Variants in TUB observed in about 807,000 individuals in gnomAD.
TUB encodes the protein tubby protein homolog.
TUB carries 33 observed loss-of-function variants against 59.7 expected under a neutral mutation model. That is an observed-to-expected ratio of 0.55 (90% CI 0.42 to 0.74). The LOEUF (loss-of-function observed/expected upper bound fraction) is 0.74, where lower values mean the gene tolerates loss of function less well. TUB is among the 30% of genes least tolerant of loss of function. TUB has a pLI of 0.00. For synonymous variants in TUB, 293 were observed against 256.4 expected, an observed-to-expected ratio of 1.14 and a Z score of -1.36; for missense variants, 659 against 672.0, an observed-to-expected ratio of 0.98 and a Z score of 0.21.
In TUB at chr11:8,021,930, AAAG is replaced by A. The variant is rs1443064415; in HGVS notation, c.56+2575_56+2577del. On this transcript the variant is annotated intron_variant, in intron 1 of 11. Coordinates refer to the TUB transcript ENST00000534099. ...GACTCCAGCTCAAAAAAAAAAAAAAAAAGAAAATTATTTTTCTGCTTTCAGACC... is the reference window on the plus strand; with the variant it reads ...GACTCCAGCTCAAAAAAAAAAAAAAAAAAATTATTTTTCTGCTTTCAGACC... 2.6e-5 allele frequency among the ~76,000 whole-genome samples: 4 copies of A among 152,142 alleles called. No homozygotes were observed. The East Asian group carries it at 7.7e-4, about 29-fold the overall frequency.
intron 2 of TUB, among the ~76,000 whole-genome samples, chr11:8,058,568 T>G (rs1033562289): frequency 1.3e-5 from 2 of 152,258 alleles, no homozygotes; most frequent in Admixed American, 6.5e-5. Flanking sequence ...AAGGGTGTCA[T>G]GTTTATAGTT....
Position 8,094,153 on chromosome 11 carries a change from G to C in TUB, c.361G>C (p.Gly121Arg), listed in dbSNP as rs768447598. Residue 121 changes from glycine (G) to arginine (R), a missense_variant, in exon 4 of 12, where the codon GGC becomes CGC. By Grantham distance (125) the Gly-to-Arg change is moderately radical. Coordinates refer to ENST00000299506, the MANE Select transcript of TUB (RefSeq NM_177972.3). Reference protein sequence around the residue: ...KAAATAGGQGGAARKEKKGKH... With the variant: ...KAAATAGGQGRAARKEKKGKH... ...GGCAGCTACAGCAGGGGGCCAGGGT[G>C]GCGCCGCTAGGAAGGAGAAGAAGGG... The C allele has an allele frequency of 6.2e-7, 1 of 1,613,880 alleles. No homozygotes were observed. Among genetic ancestry groups the C allele is most frequent in the Admixed American group, 1.7e-5 (1 of 59,994 alleles).
chr11:8,070,528 C>T (rs1943342615), intron 2 of TUB, among the ~76,000 whole-genome samples: 2 of 152,188 alleles, frequency 1.3e-5, no homozygotes, highest in African/African-American at 4.8e-5. Flanking sequence ...GATTCCCTTA[C>T]ATTTTCTCAG....
chr11:8,044,206 A>AT lies in TUB; in HGVS notation c.203+4515dup, dbSNP rs1217016336. On this transcript the variant is annotated intron_variant, in intron 2 of 12. Coordinates refer to the TUB transcript ENST00000305253. Reference sequence around the variant, plus strand: ...TTCCCCTGAAACTCCAACTATGTGTATGTTAGCTTGCTTAATATTGTTCCA... The same window carrying AT: ...TTCCCCTGAAACTCCAACTATGTGTATTGTTAGCTTGCTTAATATTGTTCCA... 9.9e-5 allele frequency among the ~76,000 whole-genome samples: 15 copies of AT among 152,258 alleles called. No individual in the cohort carries two copies. The East Asian group carries it at 2.7e-3, about 27-fold the overall frequency.
At position 8,100,611 on chromosome 11, in the gene TUB, T is replaced by C. The variant is rs1304214715; in HGVS notation, c.1215+10T>C. The C allele has an allele frequency of 6.8e-6, 11 of 1,611,294 alleles. No individual in the cohort carries two copies. Among genetic ancestry groups the C allele is most frequent in the Admixed American group, 1.7e-5 (1 of 59,968 alleles). On this transcript the variant is annotated intron_variant, in intron 10 of 11. Coordinates refer to ENST00000299506, the MANE Select transcript of TUB (RefSeq NM_177972.3). ...TATCCGCCCCCGCAACGTGAGTGTC[T>C]ACCCCTTCCTCCCCTCTTTCCCCAT... is the stretch of plus-strand genomic sequence containing the variant.
intron 5 of TUB, among the ~76,000 whole-genome samples, chr11:8,096,173 G>A (rs1297911358): frequency 6.6e-6 from 1 of 152,216 alleles, no homozygotes; most frequent in East Asian, 1.9e-4. Flanking sequence ...CAGGCGGGAG[G>A]ACAGCTGAGA....
intron 2 of TUB, among the ~76,000 whole-genome samples, chr11:8,073,700 G>A (rs1451424660): frequency 1.3e-5 from 2 of 152,190 alleles, no homozygotes; most frequent in East Asian, 1.9e-4. Context: ...GGGCCTGAGC[G>A]CTCAGCCTCA....
intron 2 of TUB, among the ~76,000 whole-genome samples, chr11:8,073,174 C>G (rs1482672247): frequency 6.6e-6 from 1 of 152,226 alleles, no homozygotes; most frequent in Non-Finnish European, 1.5e-5. Flanking sequence ...CAGCTCACAG[C>G]TTGACTCCAA....
chr11:8,083,304 G>A (rs1381425347), intron 1 of TUB, among the ~76,000 whole-genome samples: 1 of 152,168 alleles, frequency 6.6e-6, no homozygotes, highest in Non-Finnish European at 1.5e-5. Flanking sequence ...CAGCACTTAC[G>A]GCTGTGGAGA....
chr11:8,065,043 A>G (rs1435473678), intron 2 of TUB, among the ~76,000 whole-genome samples: 1 of 152,214 alleles, frequency 6.6e-6, no homozygotes, highest in Non-Finnish European at 1.5e-5. Flanking sequence ...CACAGGGCCA[A>G]TGTATAATAT....
chr11:8,080,366 T>C (rs1414887745), upstream of TUB, among the ~76,000 whole-genome samples: 2 of 152,152 alleles, frequency 1.3e-5, no homozygotes, highest in African/African-American at 4.8e-5. Flanking sequence ...GTCCCGCACC[T>C]TCTCAGTGTG....
rs747386625 is a variant in TUB at position 8,029,669 on chromosome 11, A to G, written c.56+10311A>G. On this transcript the variant is annotated intron_variant, in intron 1 of 11. Coordinates refer to the TUB transcript ENST00000534099. Reference sequence around the variant, plus strand: ...CTCCCAAAGTGCTGGGATTACAGGTATGAGCCACCACACCCAGCCTGTCTG... The same window carrying G: ...CTCCCAAAGTGCTGGGATTACAGGTGTGAGCCACCACACCCAGCCTGTCTG... Among the ~76,000 whole-genome samples the G allele has an allele frequency of 1.8e-4, 27 of 152,044 alleles. 1 individual carries two copies. The highest frequency in any genetic ancestry group is 1.8e-3 in the Admixed American group (27 of 15,270).
chr11:8,104,348 T>G lies in TUB; in HGVS notation c.*2729T>G, dbSNP rs1026194396. ...GCCCCAGAACAATTCTGCAGAGTGG[T>G]GAAGTTCACTTCCCCAACTCTTCTC... On this transcript the variant is annotated 3_prime_UTR_variant, in exon 12 of 12. Transcript: ENST00000299506. 2.6e-5 allele frequency: 4 copies of G among 152,292 alleles called. No homozygotes were observed. Among genetic ancestry groups the G allele is most frequent in the African/African-American group, 9.6e-5 (4 of 41,456 alleles). The allele number at this position is 152,292 out of a possible 1,614,324, so 9.4% of individuals were successfully genotyped here.
intron 1 of TUB, among the ~76,000 whole-genome samples, chr11:8,031,394 A>G (rs1426622386): frequency 6.6e-6 from 1 of 152,068 alleles, no homozygotes; most frequent in African/African-American, 2.4e-5. Flanking sequence ...GAGGCTGGTG[A>G]GCTCTAAAAG....
intron 2 of TUB, chr11:8,067,506 T>G (rs1436869313): frequency 6.6e-6 from 1 of 152,258 alleles, no homozygotes; most frequent in Admixed American, 6.5e-5. Flanking sequence ...TGTTAGCTAC[T>G]GTTATTATTT....
intron 2 of TUB, 104 bp downstream of exon 2, chr11:8,089,765 G>C (rs1176633190): frequency 6.9e-7 from 1 of 1,445,180 alleles, no homozygotes; most frequent in Non-Finnish European, 9.7e-7. Context: ...CGTCTGATTG[G>C]GGGATGGGAT....
intron 2 of TUB, among the ~76,000 whole-genome samples, chr11:8,039,957 G>A (rs1942720120): frequency 1.3e-5 from 2 of 152,222 alleles, no homozygotes; most frequent in African/African-American, 4.8e-5. Context: ...GGGTGATGCT[G>A]ATGAGCAGGT....
Position 8,100,553 on chromosome 11 carries a change from C to T in TUB, c.1167C>T (p.Val389=), listed in dbSNP as rs748165119. The change falls in exon 10 of 12, where the codon GTC becomes GTT. Residue 389 remains valine, a synonymous_variant. Transcript: ENST00000299506. ...FKGPRKMSVI[V]PGMNMVHERV... ...GGCCTCGGAAGATGAGCGTGATTGTCCCAGGCATGAACATGGTTCATGAGA... is the reference window on the plus strand; with the variant it reads ...GGCCTCGGAAGATGAGCGTGATTGTTCCAGGCATGAACATGGTTCATGAGA... 23 of 1,614,128 alleles carry T rather than the reference C, an allele frequency of 1.4e-5. No homozygotes were observed. Among genetic ancestry groups the T allele is most frequent in the Middle Eastern group, 3.3e-4 (2 of 6,050 alleles).
upstream of TUB, among the ~76,000 whole-genome samples, chr11:8,081,125 C>T (rs1210100840): frequency 2.0e-5 from 3 of 149,594 alleles, no homozygotes; most frequent in African/African-American, 4.9e-5. Flanking sequence ...GCTCCGCAGG[C>T]CCTGAGCCGG....
Sources: gnomAD v4.1 joint callset for allele counts (sites outside exome capture counted in the v4.1 genomes callset) on GRCh38, gnomAD v4.1.1 for gene constraint, MANE v1.5 for transcripts, NCBI Gene and HGNC (gene_info 2026-07-23, HGNC 2026-07-21) for gene names.